Variants in MME observed in about 807,000 individuals in gnomAD.
The protein encoded by MME is neprilysin.
MME carries 98 observed loss-of-function variants against 113.2 expected under a neutral mutation model. That is an observed-to-expected ratio of 0.87 (90% confidence interval 0.74 to 1.02). The LOEUF (loss-of-function observed/expected upper bound fraction) is 1.02, where lower values mean the gene tolerates loss of function less well. Among genes scored for constraint, MME ranks in the 50% least tolerant of loss-of-function variants. The pLI, the probability that MME is intolerant of heterozygous loss-of-function variation, is 0.00. For missense variants in MME, 836 were observed against 896.0 expected (o/e 0.93, Z 0.86); for synonymous variants, 292 against 300.6 (o/e 0.97, Z 0.30).
At chr3:155,073,618 T>A (rs963876191) in intron 1 of MME, among the ~76,000 whole-genome samples, 1 of 152,098 alleles carries the variant, frequency 6.6e-6, no homozygotes, top group Admixed American at 6.5e-5. Context: ...ACAAAACCAA[T>A]TATTGGCTGT....
chr3:155,097,234 C>T lies in MME; in HGVS notation c.196+12140C>T, dbSNP rs113011259. On this transcript the variant is annotated intron_variant, in intron 3 of 22. Coordinates refer to ENST00000360490, the MANE Select transcript of MME (RefSeq NM_007289.4). ...GAAGATGGTGTTGGAAATAAAGATT[C>T]GGGGGTCATCAGCATGTGGATGATA... 3.3e-5 allele frequency among the ~76,000 whole-genome samples: 5 copies of T among 151,992 alleles called. No individual in the cohort carries two copies. The East Asian group carries it at 5.8e-4, about 18-fold the overall frequency.
At chr3:155,106,431 G>T (rs1212770934) in intron 3 of MME, among the ~76,000 whole-genome samples, 1 of 152,198 alleles carries the variant, frequency 6.6e-6, no homozygotes, top group East Asian at 1.9e-4. Context: ...ATGGAGAGTG[G>T]ATTGTGGAAG....
At chr3:155,055,604 A>C (rs1207461918) in intron 1 of MME, among the ~76,000 whole-genome samples, 1 of 152,184 alleles carries the variant, frequency 6.6e-6, no homozygotes, top group African/African-American at 2.4e-5. Context: ...CTCAAAAAAA[A>C]AAAAAACTTT....
intron 20 of MME, among the ~76,000 whole-genome samples, chr3:155,171,614 A>G (rs1711979752): frequency 6.6e-6 from 1 of 152,124 alleles, no homozygotes; most frequent in South Asian, 2.1e-4. Flanking sequence ...GTTGCATTTT[A>G]TTATCCTCAG....
At chr3:155,118,082 A>G (rs1718777227) in intron 7 of MME, among the ~76,000 whole-genome samples, 1 of 152,094 alleles carries the variant, frequency 6.6e-6, no homozygotes, top group African/African-American at 2.4e-5. Context: ...CCTCTTTCAC[A>G]CCCTTAACTG....
chr3:155,054,329 G>C (rs952972364), intron 1 of MME, among the ~76,000 whole-genome samples: 7 of 151,556 alleles, frequency 4.6e-5, no homozygotes, highest in Admixed American at 4.6e-4. Context: ...CCTTCTGTTT[G>C]CTCCTAGATA....
chr3:155,144,484 A>G (rs903624382), intron 14 of MME, 27 bp downstream of exon 14: 10 of 1,447,440 alleles, frequency 6.9e-6, no homozygotes, highest in Non-Finnish European at 9.7e-6. Context: ...TAACTAGCAA[A>G]GAAAAATCTT....
intron 8 of MME, among the ~76,000 whole-genome samples, chr3:155,136,313 T>C (rs1323806255): frequency 6.6e-6 from 1 of 152,164 alleles, no homozygotes; most frequent in Non-Finnish European, 1.5e-5. Flanking sequence ...TTGAGGTATG[T>C]TTCTGCAATG....
intron 1 of MME, among the ~76,000 whole-genome samples, chr3:155,039,410 G>C (rs7632185): frequency 6.6e-6 from 1 of 152,084 alleles, no homozygotes; most frequent in East Asian, 1.9e-4. Flanking sequence ...GTAGAATTGC[G>C]CAGTGGCAGC....
intron 3 of MME, among the ~76,000 whole-genome samples, chr3:155,106,786 A>G (rs946056290): frequency 3.0e-4 from 46 of 152,336 alleles, no homozygotes; most frequent in African/African-American, 1.0e-3. Context: ...GTCTGCTAAT[A>G]AAGCAAGGAT....
At chr3:155,029,501 T>G (rs1243131934) in intron 1 of MME, among the ~76,000 whole-genome samples, 1 of 151,914 alleles carries the variant, frequency 6.6e-6, no homozygotes, top group African/African-American at 2.4e-5. Context: ...TATATTTGCA[T>G]CAAGACTATT....
chr3:155,152,229 T>C (rs1320666751), intron 16 of MME, among the ~76,000 whole-genome samples: 1 of 152,180 alleles, frequency 6.6e-6, no homozygotes, highest in African/African-American at 2.4e-5. Flanking sequence ...CTTTATGCCC[T>C]GGTTCATCTA....
intron 3 of MME, among the ~76,000 whole-genome samples, chr3:155,092,785 AT>A (rs747473899): frequency 1.3e-5 from 2 of 152,190 alleles, no homozygotes; most frequent in Non-Finnish European, 2.9e-5. Context: ...TTTATATGAA[AT>A]TTCTATAAGA....
intron 1 of MME, among the ~76,000 whole-genome samples, chr3:155,073,794 C>T (rs1714658672): frequency 1.3e-5 from 2 of 152,054 alleles, no homozygotes; most frequent in Middle Eastern, 3.4e-3. Context: ...GCCTATCTGT[C>T]TATCTATCTA....
intron 17 of MME, among the ~76,000 whole-genome samples, chr3:155,163,367 G>A (rs909258887): frequency 4.6e-5 from 7 of 152,164 alleles, no homozygotes; most frequent in African/African-American, 9.7e-5. Flanking sequence ...ACTCACACAT[G>A]TAGGCTACAT....
intron 3 of MME, among the ~76,000 whole-genome samples, chr3:155,104,935 A>G (rs1717565414): frequency 6.6e-6 from 1 of 152,220 alleles, no homozygotes; most frequent in Non-Finnish European, 1.5e-5. Context: ...TGCAAATTGC[A>G]CCTGAAAAAG....
intron 18 of MME, among the ~76,000 whole-genome samples, chr3:155,167,947 T>C (rs1711517785): frequency 6.6e-6 from 1 of 152,164 alleles, no homozygotes; most frequent in Non-Finnish European, 1.5e-5. Flanking sequence ...GATGGTAATA[T>C]TGTGTCAAAA....
At chr3:155,148,764 G>A in intron 16 of MME, 111 bp downstream of exon 16, 2 of 785,772 alleles carry the variant, frequency 2.5e-6, no homozygotes, top group South Asian at 3.1e-5. Context: ...AAAGTACAAA[G>A]TCCTCTTTTT....
At chr3:155,088,360 A>G (rs1715957957) in intron 3 of MME, among the ~76,000 whole-genome samples, 1 of 152,228 alleles carries the variant, frequency 6.6e-6, no homozygotes, top group African/African-American at 2.4e-5. Flanking sequence ...AAGAGTGGCC[A>G]GAGTAGAGTA....
Sources: gnomAD v4.1 joint callset for allele counts (sites outside exome capture counted in the v4.1 genomes callset) on GRCh38, gnomAD v4.1.1 for gene constraint, MANE v1.5 for transcripts, NCBI Gene and HGNC (gene_info 2026-07-23, HGNC 2026-07-21) for gene names.